The following ADD2 variants were observed in gnomAD, a reference collection of about 807,000 sequenced individuals.
ADD2 encodes beta-adducin.
In ADD2, 23 loss-of-function variants were observed where a neutral mutation model predicts 83.0. The ratio of observed to expected loss-of-function variants is 0.28; its 90% CI spans 0.20 to 0.39. The LOEUF is 0.39. Among genes scored for constraint, ADD2 ranks in the 10% least tolerant of loss-of-function variants. The probability of loss-of-function intolerance (pLI) is 1.00; values close to 1 mark genes in which losing one functional copy is unlikely to be tolerated. For synonymous variants in ADD2, 375 were observed against 375.4 expected, an observed-to-expected ratio of 1.00 and a Z score of 0.01; for missense variants, 758 against 944.9, an observed-to-expected ratio of 0.80 and a Z score of 2.59.
intron 1 of ADD2, among the ~76,000 whole-genome samples, chr2:70,750,564 G>T (rs1312097250): frequency 6.6e-6 from 1 of 152,172 alleles, no homozygotes; most frequent in African/African-American, 2.4e-5. Flanking sequence ...GGTAGAGACT[G>T]GATTGATGTA....
rs532148481 is a variant in ADD2 at position 70,702,488 on chromosome 2, A to G, written c.322+1833T>C. On this transcript the variant is annotated intron_variant, in intron 4 of 15. Transcript: ENST00000264436. ...GGCCTAAAGTTATTGTAAAGAATAAACTTGTACAAACAGTTGAGGAAAATT... is the reference window on the plus strand; with the variant it reads ...GGCCTAAAGTTATTGTAAAGAATAAGCTTGTACAAACAGTTGAGGAAAATT... 5.7e-4 allele frequency among the ~76,000 whole-genome samples: 87 copies of G among 152,312 alleles called. 2 individuals carry two copies. The South Asian group carries it at 0.018, about 32-fold the overall frequency.
rs1346741232 is a variant in ADD2 at position 70,661,895 on chromosome 2, G to A, written c.*1530C>T. On this transcript the variant is annotated 3_prime_UTR_variant, in exon 16 of 16. Coordinates refer to ENST00000264436, the MANE Select transcript of ADD2 (RefSeq NM_001617.4). Reference sequence around the variant, plus strand: ...GATCCAGATCTTTCTAGCCAAGTCAGCTGGGACAAGTCAATTATCATTTTA... The same window carrying A: ...GATCCAGATCTTTCTAGCCAAGTCAACTGGGACAAGTCAATTATCATTTTA... 6.6e-6 allele frequency: 1 copy of A among 152,194 alleles called. No homozygotes were observed. The highest frequency in any genetic ancestry group is 1.9e-4 in the East Asian group (1 of 5,196). 9.4% of individuals were successfully genotyped at this position (152,194 alleles called of 1,614,324 possible).
At position 70,690,911 on chromosome 2, in the gene ADD2, C is replaced by T; in HGVS notation, c.724G>A (p.Gly242Ser). 1 of 1,612,874 alleles carries T rather than the reference C, an allele frequency of 6.2e-7. No homozygotes were observed. The highest frequency in any genetic ancestry group is 8.5e-7 in the Non-Finnish European group (1 of 1,179,504). ...ATAAVSAMKW[G>S]LLPVSHNALL... ...GCATTGTGGGAGACAGGCAGGAGGCCCCACTTCATGGCCGACACCTTAGAG... is the reference window on the plus strand; with the variant it reads ...GCATTGTGGGAGACAGGCAGGAGGCTCCACTTCATGGCCGACACCTTAGAG... Residue 242 changes from glycine (G) to serine (S), a missense_variant, in exon 8 of 16, where the codon GGC (glycine) becomes AGC (serine). Around this residue, in one of 5 missense-constraint regions of ADD2, gnomAD observed 394 missense variants for 509.3 expected, o/e 0.77. Transcript: ENST00000264436.
chr2:70,660,321 A>G lies in ADD2; in HGVS notation c.*3104T>C, dbSNP rs929429636. The G allele has an allele frequency of 6.6e-6, 1 of 152,216 alleles. No individual in the cohort carries two copies. The highest frequency in any genetic ancestry group is 6.5e-5 in the Admixed American group (1 of 15,288). 9.4% of individuals were successfully genotyped at this position (152,216 alleles called of 1,614,324 possible). A position where few individuals can be genotyped will look rare whatever the true frequency, so the allele number is the denominator to read the frequency against. On this transcript the variant is annotated 3_prime_UTR_variant, in exon 16 of 16. Coordinates refer to ENST00000264436, the MANE Select transcript of ADD2 (RefSeq NM_001617.4). ...AAATCCCTCTTAAGGTGCTTTATCC[A>G]AAGACTTTTATGGAAATAAATTTTG...
chr2:70,731,436 A>G (rs1553379272), intron 1 of ADD2, among the ~76,000 whole-genome samples: 1 of 152,210 alleles, frequency 6.6e-6, no homozygotes, highest in African/African-American at 2.4e-5. Flanking sequence ...ATTGGGGGAC[A>G]CTTCTTTATT....
chr2:70,669,597 CTTGT>C (rs1311751107), intron 15 of ADD2, among the ~76,000 whole-genome samples: 1 of 152,236 alleles, frequency 6.6e-6, no homozygotes, highest in Admixed American at 6.5e-5. Context: ...TCTGGTAGAG[CTTGT>C]GTGCAAATAT....
At chr2:70,733,294 T>A (rs982322526) in intron 1 of ADD2, among the ~76,000 whole-genome samples, 1 of 152,134 alleles carries the variant, frequency 6.6e-6, no homozygotes, top group Non-Finnish European at 1.5e-5. Flanking sequence ...TAAGGAGGCT[T>A]TAATAATGCA....
At chr2:70,705,779 T>C (rs905176615) in intron 3 of ADD2, among the ~76,000 whole-genome samples, 1 of 152,146 alleles carries the variant, frequency 6.6e-6, no homozygotes, top group Non-Finnish European at 1.5e-5. Context: ...CTCAGCCCCA[T>C]CCCATTCATG....
At chr2:70,754,669 C>A (rs913056048) in intron 1 of ADD2, among the ~76,000 whole-genome samples, 1 of 152,172 alleles carries the variant, frequency 6.6e-6, no homozygotes, top group African/African-American at 2.4e-5. Context: ...ACCCGACACC[C>A]ACCATCACAT....
At chr2:70,718,518 T>C (rs1672580952) in intron 1 of ADD2, among the ~76,000 whole-genome samples, 1 of 152,140 alleles carries the variant, frequency 6.6e-6, no homozygotes, top group Admixed American at 6.5e-5. Flanking sequence ...TGATCAGAAA[T>C]GAATGTGTTT....
At chr2:70,760,916 A>G (rs1219607555) in intron 1 of ADD2, among the ~76,000 whole-genome samples, 4 of 152,216 alleles carry the variant, frequency 2.6e-5, no homozygotes, top group African/African-American at 9.7e-5. Flanking sequence ...ACAAAATGCC[A>G]GAAGACAAAA....
chr2:70,708,780 ACTGTAACCTACT>A (rs2104395695), intron 2 of ADD2, among the ~76,000 whole-genome samples: 1 of 152,330 alleles, frequency 6.6e-6, no homozygotes, highest in African/African-American at 2.4e-5. Flanking sequence ...TGTGTAATAG[ACTGTAACCTACT>A]CTTGTGACAA....
At chr2:70,754,953 G>A (rs1484392395) in intron 1 of ADD2, among the ~76,000 whole-genome samples, 1 of 152,008 alleles carries the variant, frequency 6.6e-6, no homozygotes, top group African/African-American at 2.4e-5. Flanking sequence ...TTATCCAACT[G>A]GATAACCATT....
intron 4 of ADD2, 84 bp from the exon 5 acceptor site, chr2:70,696,480 G>A: frequency 6.4e-7 from 1 of 1,559,674 alleles, no homozygotes; most frequent in Admixed American, 1.8e-5. Flanking sequence ...ATTCTCACTG[G>A]CACTAAAACT....
chr2:70,712,730 T>A (rs956887320), intron 2 of ADD2, among the ~76,000 whole-genome samples: 4 of 152,138 alleles, frequency 2.6e-5, no homozygotes, highest in African/African-American at 9.7e-5. Flanking sequence ...GGGGGAGAAC[T>A]TCCTAAGGGC....
rs1430342278 is a variant in ADD2 at position 70,676,272 on chromosome 2, C to T, written c.1593+524G>A. 3.0e-6 allele frequency: 3 copies of T among 992,792 alleles called. No homozygotes were observed. Among genetic ancestry groups the T allele is most frequent in the African/African-American group, 1.7e-5 (1 of 57,592 alleles). 61.5% of individuals were successfully genotyped at this position (992,792 alleles called of 1,614,324 possible). On this transcript the variant is annotated intron_variant, in intron 13 of 15. Transcript: ENST00000264436. The surrounding 1 kb of genome is among the most constrained non-coding windows in gnomAD (Gnocchi z 4.8). The stretch of plus-strand genomic sequence containing the variant: ...CAAAAACAATTACAATACTTTCTAA[C>T]TCAATGTGGGTTTGTGTGGGTAATA...
chr2:70,690,915 C>A lies in ADD2; in HGVS notation c.720G>T (p.Lys240Asn). 6.2e-7 allele frequency: 1 copy of A among 1,612,422 alleles called. No individual in the cohort carries two copies. Among genetic ancestry groups the A allele is most frequent in the African/African-American group, 1.3e-5 (1 of 74,984 alleles). ...TPATAAVSAM[K>N]WGLLPVSHNA... Reference sequence around the variant, plus strand: ...TGTGGGAGACAGGCAGGAGGCCCCACTTCATGGCCGACACCTTAGAGAGAC... The same window carrying A: ...TGTGGGAGACAGGCAGGAGGCCCCAATTCATGGCCGACACCTTAGAGAGAC... The change falls in exon 8 of 16, where the codon AAG (lysine) becomes AAT (asparagine). Residue 240 changes from lysine (K) to asparagine (N), a missense_variant. This residue lies in a region of ADD2 where 394 missense variants were observed against 509.3 expected (regional missense o/e 0.77). Coordinates refer to ENST00000264436, the MANE Select transcript of ADD2 (RefSeq NM_001617.4).
Position 70,683,722 on chromosome 2 carries a change from G to C in ADD2, c.994C>G (p.Leu332Val). The change falls in exon 10 of 16, where the codon CTG (leucine) becomes GTG (valine). Residue 332 changes from leucine (L) to valine (V), a missense_variant. By Grantham distance (32) the Leu-to-Val change is conservative. This residue lies in a region of ADD2 where 394 missense variants were observed against 509.3 expected (regional missense o/e 0.77). Transcript: ENST00000264436. Reference sequence around the variant, plus strand: ...TGGGGCCGGTGCTTCTCCTGCTCCAGGAGGATGAGGTTCTCCACTCCCCCG... The same window carrying C: ...TGGGGCCGGTGCTTCTCCTGCTCCACGAGGATGAGGTTCTCCACTCCCCCG... Reference protein sequence around the residue: ...SAGGVENLILLEQEKHRPHEV... With the variant: ...SAGGVENLILVEQEKHRPHEV... 1 of 1,614,138 alleles carries C rather than the reference G, an allele frequency of 6.2e-7. No homozygotes were observed. The highest frequency in any genetic ancestry group is 1.1e-5 in the South Asian group (1 of 91,082).
At chr2:70,726,681 C>T (rs1055456961) in intron 1 of ADD2, among the ~76,000 whole-genome samples, 2 of 152,172 alleles carry the variant, frequency 1.3e-5, no homozygotes, top group Non-Finnish European at 2.9e-5. Flanking sequence ...GCGAAAAACA[C>T]TTGATCCAAA....
Sources: allele counts gnomAD v4.1 joint callset (sites outside exome capture counted in the v4.1 genomes callset), GRCh38; gene constraint gnomAD v4.1.1; regional missense constraint gnomAD v4.1.1; non-coding constraint Gnocchi (gnomAD v3.1); transcripts MANE v1.5; gene names NCBI Gene and HGNC (gene_info 2026-07-23, HGNC 2026-07-21).